PCDHGA1: variants seen among roughly 807,000 people sequenced by gnomAD.
PCDHGA1 encodes the protein protocadherin gamma subfamily A, 1.
In PCDHGA1, 32 loss-of-function variants were observed where a neutral mutation model predicts 58.0. The observed-to-expected ratio is 0.55, with a 90% confidence interval of 0.42 to 0.74. PCDHGA1 has a LOEUF of 0.74. Among genes scored for constraint, PCDHGA1 ranks in the 30% least tolerant of loss-of-function variants. The probability of loss-of-function intolerance (pLI) is 0.00; values close to 1 mark genes in which losing one functional copy is unlikely to be tolerated. For missense variants in PCDHGA1, 1,205 were observed against 1,182.3 expected (o/e 1.02, Z -0.28); for synonymous variants, 498 against 501.1 (o/e 0.99, Z 0.08).
chr5:141,343,906 C>T, intron 1 of PCDHGA1: 1 of 870,422 alleles, frequency 1.1e-6, no homozygotes, highest in Non-Finnish European at 1.7e-6. Context: ...AACCTCACCT[C>T]TTAGTCAACC....
chr5:141,417,754 C>A, intron 1 of PCDHGA1: 2 of 1,431,302 alleles, frequency 1.4e-6, no homozygotes, highest in Non-Finnish European at 1.8e-6. Flanking sequence ...TTGCCAGCTC[C>A]GAGACCCGGG....
Position 141,332,805 on chromosome 5 carries a change from C to A in PCDHGA1, c.2121C>A (p.Phe707Leu), listed in dbSNP as rs1317119344. 1 of 1,614,104 alleles carries A rather than the reference C, an allele frequency of 6.2e-7. No individual in the cohort carries two copies. Among genetic ancestry groups the A allele is most frequent in the Non-Finnish European group, 8.5e-7 (1 of 1,180,046 alleles). Residue 707 changes from phenylalanine to leucine, a missense_variant, in exon 1 of 4, where the codon TTC (phenylalanine) becomes TTA (leucine). Phe to Leu is a conservative substitution (Grantham distance 22). Coordinates refer to ENST00000517417, the MANE Select transcript of PCDHGA1 (RefSeq NM_018912.3). This position sits in a 1 kb window ranked among gnomAD's most constrained non-coding sequence, Gnocchi z 4.6. ...CGGTCTCCTGCGTCTTCCTGGCCTT[C>A]GTCATCGTGCTGCTGGCGCACAGGC... Reference protein sequence around the residue: ...AAAVSCVFLAFVIVLLAHRLR... With the variant: ...AAAVSCVFLALVIVLLAHRLR...
intron 1 of PCDHGA1, chr5:141,374,182 C>T (rs1262335911): frequency 1.9e-6 from 3 of 1,613,736 alleles, no homozygotes; most frequent in Middle Eastern, 1.6e-4. Flanking sequence ...AGATCCGCTA[C>T]TCTATTCCCG....
At chr5:141,421,823 G>A in intron 1 of PCDHGA1, 1 of 1,613,802 alleles carries the variant, frequency 6.2e-7, no homozygotes. Flanking sequence ...GTACTGGAGG[G>A]AAGCCTGGAC....
Position 141,384,146 on chromosome 5 carries a change from C to G in PCDHGA1, c.2421+51041C>G, listed in dbSNP as rs369384722. 2.5e-6 allele frequency: 4 copies of G among 1,613,166 alleles called. No homozygotes were observed. The East Asian group carries it at 6.7e-5, about 27-fold the overall frequency. Reference sequence around the variant, plus strand: ...AAAAACTTGGACCGGGAAACACTCTCTTTGTATAACATCACACTGAAAGCC... The same window carrying G: ...AAAAACTTGGACCGGGAAACACTCTGTTTGTATAACATCACACTGAAAGCC... On this transcript the variant is annotated intron_variant, in intron 1 of 3. Transcript: ENST00000517417.
intron 1 of PCDHGA1, chr5:141,345,965 G>A: frequency 1.2e-6 from 2 of 1,613,540 alleles, no homozygotes; most frequent in South Asian, 2.2e-5. Flanking sequence ...GCCTCGTGGT[G>A]GCCGTCCAGG....
rs749769645 is a variant in PCDHGA1, at chr5:141,376,049, G to A, written c.2421+42944G>A. On this transcript the variant is annotated intron_variant, in intron 1 of 3. Transcript: ENST00000517417. ...GGACCACGGCCAGCCCCCTCTCTCCGCCACTGTCACGCTCACCGTGGCCGT... is the reference window on the plus strand; with the variant it reads ...GGACCACGGCCAGCCCCCTCTCTCCACCACTGTCACGCTCACCGTGGCCGT... The A allele has an allele frequency of 1.9e-5, 31 of 1,613,116 alleles. No homozygotes were observed. The highest frequency in any genetic ancestry group is 2.2e-5 in the East Asian group (1 of 44,870).
chr5:141,408,197 C>A (rs2095057098), intron 1 of PCDHGA1: 5 of 1,546,080 alleles, frequency 3.2e-6, no homozygotes, highest in Non-Finnish European at 4.4e-6. Context: ...AGAACCCGAG[C>A]GAACGATGGG....
At chr5:141,399,512 C>T (rs2093823931) in intron 1 of PCDHGA1, 1 of 1,614,044 alleles carries the variant, frequency 6.2e-7, no homozygotes, top group East Asian at 2.2e-5. Context: ...GAAAACAACC[C>T]TCCTGGGGCC....
At chr5:141,390,318 C>T in intron 1 of PCDHGA1, 1 of 1,609,020 alleles carries the variant, frequency 6.2e-7, no homozygotes, top group Non-Finnish European at 8.5e-7. Context: ...TGCTCATTGC[C>T]TACCCATTTC....
intron 1 of PCDHGA1, chr5:141,413,652 G>A: frequency 6.2e-7 from 1 of 1,613,780 alleles, no homozygotes; most frequent in Non-Finnish European, 8.5e-7. Context: ...TTCCTCTCCC[G>A]GAAGCTATTG....
At chr5:141,382,809 C>A in intron 1 of PCDHGA1, 1 of 1,143,884 alleles carries the variant, frequency 8.7e-7, no homozygotes, top group Non-Finnish European at 1.2e-6. Context: ...TTCTGAGCTC[C>A]CCTTCCTAAG....
chr5:141,361,554 A>C, intron 1 of PCDHGA1: 3 of 1,614,062 alleles, frequency 1.9e-6, no homozygotes, highest in Non-Finnish European at 2.5e-6. Flanking sequence ...CTATCGCTCA[A>C]ATCAGTGCCT....
intron 1 of PCDHGA1, among the ~76,000 whole-genome samples, chr5:141,454,379 T>A (rs770736083): frequency 1.2e-3 from 179 of 152,316 alleles, no homozygotes; most frequent in Non-Finnish European, 2.1e-3. Flanking sequence ...TGGCAACTTG[T>A]CAAGATGAAG....
intron 1 of PCDHGA1, chr5:141,344,321 C>T (rs759020376): frequency 1.9e-6 from 3 of 1,614,024 alleles, no homozygotes; most frequent in Admixed American, 1.7e-5. Flanking sequence ...AGGAGCTCTG[C>T]GCTCAGATCC....
chr5:141,431,748 G>A lies in PCDHGA1; in HGVS notation c.2422-63059G>A, dbSNP rs759671844. On this transcript the variant is annotated intron_variant, in intron 1 of 3. Coordinates refer to ENST00000517417, the MANE Select transcript of PCDHGA1 (RefSeq NM_018912.3). This position sits in a 1 kb window ranked among gnomAD's most constrained non-coding sequence, Gnocchi z 4.8. ...ATGGATAATGCAGGATATTCTGCGC[G>A]AGCCAAAGTCCTGATCACTGTTCTG... 4 of 1,614,078 alleles carry A rather than the reference G, an allele frequency of 2.5e-6. No individual in the cohort carries two copies. Among genetic ancestry groups the A allele is most frequent in the African/African-American group, 1.3e-5 (1 of 74,934 alleles).
At chr5:141,492,527 G>A (rs1000672383) in intron 1 of PCDHGA1, among the ~76,000 whole-genome samples, 1 of 152,184 alleles carries the variant, frequency 6.6e-6, no homozygotes, top group African/African-American at 2.4e-5. Flanking sequence ...TCTCCCACCT[G>A]CGCCCCGGGC....
intron 1 of PCDHGA1, chr5:141,389,263 C>G (rs1285877712): frequency 6.2e-7 from 1 of 1,614,028 alleles, no homozygotes; most frequent in Admixed American, 1.7e-5. Flanking sequence ...GTCCACGTGG[C>G]CGAGAACAAC....
At chr5:141,382,690 G>C in intron 1 of PCDHGA1, 1 of 448,422 alleles carries the variant, frequency 2.2e-6, no homozygotes, top group Non-Finnish European at 3.9e-6. Context: ...AGGGAAAAAT[G>C]GTGCGAGAGA....
Sources: gnomAD v4.1 joint callset for allele counts (sites outside exome capture counted in the v4.1 genomes callset) on GRCh38, gnomAD v4.1.1 for gene constraint, Gnocchi (gnomAD v3.1) non-coding constraint, MANE v1.5 for transcripts, NCBI Gene and HGNC (gene_info 2026-07-23, HGNC 2026-07-21) for gene names.